Variants in SUN1 observed in about 807,000 individuals in gnomAD.
SUN1 encodes the protein SUN domain-containing protein 1.
In SUN1, 61 loss-of-function variants were observed where a neutral mutation model predicts 103.2. The ratio of observed to expected loss-of-function variants is 0.59; its 90% CI spans 0.48 to 0.73. The LOEUF (loss-of-function observed/expected upper bound fraction) is 0.73. Among genes scored for constraint, SUN1 ranks in the 30% least tolerant of loss-of-function variants. The pLI, the probability that SUN1 is intolerant of heterozygous loss-of-function variation, is 0.00. For synonymous variants in SUN1, 490 were observed against 425.7 expected (o/e 1.15, Z -1.86); for missense variants, 1,052 against 1,034.6 (o/e 1.02, Z -0.23).
chr7:873,611 T>C lies in SUN1; in HGVS notation c.*280T>C, dbSNP rs1843056608. 2.8e-6 allele frequency: 1 copy of C among 350,996 alleles called. No individual in the cohort carries two copies. The highest frequency in any genetic ancestry group is 5.2e-6 in the Non-Finnish European group (1 of 191,434). 21.7% of individuals were successfully genotyped at this position (350,996 alleles called of 1,614,324 possible). ...GTTTTTAACGGGAAGCTCTTTGCAT[T>C]TGCATTTCCTCAACAAAGGAGCAAA... On this transcript the variant is annotated 3_prime_UTR_variant, in exon 19 of 19. Coordinates refer to ENST00000401592, the MANE Select transcript of SUN1 (RefSeq NM_001130965.3).
intron 11 of SUN1, 76 bp downstream of exon 11, chr7:855,082 T>C (rs1258413752): frequency 9.0e-7 from 1 of 1,114,176 alleles, no homozygotes; most frequent in Non-Finnish European, 1.3e-6. Flanking sequence ...AGCCCTTTGG[T>C]CATTTAATGT....
chr7:856,446 G>T (rs555079724), intron 12 of SUN1, 45 bp downstream of exon 12: 4 of 1,608,488 alleles, frequency 2.5e-6, no homozygotes, highest in Non-Finnish European at 3.4e-6. Context: ...CGGTGTGTGT[G>T]TGTGGTTATG....
At chr7:860,531 C>T in intron 14 of SUN1, 149 bp downstream of exon 14, 2 of 1,344,494 alleles carry the variant, frequency 1.5e-6, no homozygotes, top group Non-Finnish European at 2.0e-6. Context: ...ATGAGACGTG[C>T]CTGGGCAGTG....
chr7:872,948 G>A lies in SUN1; in HGVS notation c.2242-267G>A, dbSNP rs1365566022. On this transcript the variant is annotated intron_variant, in intron 18 of 18. Transcript: ENST00000401592. Reference sequence around the variant, plus strand: ...CTAAAAATACAAAAATGAGCTGGGCGTGGTGGCGCACGCCTGTAATCCCAG... The same window carrying A: ...CTAAAAATACAAAAATGAGCTGGGCATGGTGGCGCACGCCTGTAATCCCAG... 3.3e-5 allele frequency among the ~76,000 whole-genome samples: 5 copies of A among 152,314 alleles called. 1 individual carries two copies. Among genetic ancestry groups the A allele is most frequent in the Middle Eastern group, 3.4e-3 (1 of 294 alleles).
At chr7:821,407 A>G (rs771053875) in intron 1 of SUN1, among the ~76,000 whole-genome samples, 19 of 152,094 alleles carry the variant, frequency 1.2e-4, no homozygotes, top group Non-Finnish European at 1.5e-5. Context: ...TGACCTCGTG[A>G]TCCGCCCACC....
chr7:836,622 C>A (rs767055167), intron 1 of SUN1, among the ~76,000 whole-genome samples: 2 of 152,334 alleles, frequency 1.3e-5, no homozygotes, highest in East Asian at 3.9e-4. Flanking sequence ...GCAGGAGGAG[C>A]TCCTTCTTAC....
At chr7:870,419 G>A (rs1840650221) in intron 17 of SUN1, among the ~76,000 whole-genome samples, 1 of 151,920 alleles carries the variant, frequency 6.6e-6, no homozygotes, top group Admixed American at 6.6e-5. Context: ...GTGAAACCCT[G>A]TCTCTACTAA....
chr7:872,421 C>T, intron 17 of SUN1, 49 bp from the exon 18 acceptor site: 1 of 1,481,144 alleles, frequency 6.8e-7, no homozygotes, highest in Non-Finnish European at 9.3e-7. Context: ...CCTCTCTGCT[C>T]AGTGTTATTT....
chr7:853,277 G>C (rs958964926), intron 9 of SUN1, 132 bp from the exon 10 acceptor site: 4 of 1,043,166 alleles, frequency 3.8e-6, no homozygotes, highest in South Asian at 1.5e-5. Flanking sequence ...CCGGGTTTCT[G>C]TGGATTCCTC....
intron 1 of SUN1, among the ~76,000 whole-genome samples, chr7:836,308 A>T (rs1803127235): frequency 6.6e-6 from 1 of 152,220 alleles, no homozygotes. Flanking sequence ...TTTCCATCGC[A>T]GCAGGCAGGA....
At chr7:871,639 C>T (rs558420852) in intron 17 of SUN1, among the ~76,000 whole-genome samples, 2 of 152,346 alleles carry the variant, frequency 1.3e-5, no homozygotes, top group African/African-American at 4.8e-5. Flanking sequence ...CCACCCACCT[C>T]GGCCTCCCAA....
rs764443174 is a variant in SUN1, at chr7:857,836, G to A, written c.1403G>A (p.Gly468Asp). ...QTKQKTISAV[G>D]EQLLPTVEHL... ...TCACTGTTGGATTCCAGTGCGGTTG[G>A]TGAGCAGCTCCTGCCCACAGTCGAG... The change falls in exon 13 of 19, where the codon GGT (glycine) becomes GAT (aspartate). Residue 468 changes from glycine to aspartate, a missense_variant. Physicochemically the swap from Gly to Asp is moderately conservative, Grantham distance 94. This residue lies in a region of SUN1 where 846 missense variants were observed against 774.5 expected (regional missense o/e 1.09). Coordinates refer to ENST00000401592, the MANE Select transcript of SUN1 (RefSeq NM_001130965.3). 6.3e-7 allele frequency: 1 copy of A among 1,582,090 alleles called. No individual in the cohort carries two copies. Among genetic ancestry groups the A allele is most frequent in the South Asian group, 1.1e-5 (1 of 88,560 alleles).
chr7:843,582 C>T (rs1160429240), intron 5 of SUN1, 62 bp downstream of exon 5: 5 of 1,613,114 alleles, frequency 3.1e-6, no homozygotes, highest in Non-Finnish European at 4.2e-6. Context: ...TATTTCCTTT[C>T]TGTAAGTCTC....
At position 826,291 on chromosome 7, in the gene SUN1, C is replaced by CGTTTGACAGCCCCGGTCTGGGGTG. The variant is rs1554260465; in HGVS notation, c.-74+9626_-74+9627insGCCCCGGTCTGGGGTGGTTTGACA. Among the ~76,000 whole-genome samples, 223 of 151,376 alleles carry CGTTTGACAGCCCCGGTCTGGGGTG rather than the reference C, an allele frequency of 1.5e-3. 1 individual carries two copies. Among genetic ancestry groups the CGTTTGACAGCCCCGGTCTGGGGTG allele is most frequent in the African/African-American group, 4.9e-3 (200 of 41,126 alleles). ...AACTGCCTGATGTCAGGCTAGCTGC[C>CGTTTGACAGCCCCGGTCTGGGGTG]GTTTGACAACCCTGGTCTGGGGTGC... is the stretch of plus-strand genomic sequence containing the variant. On this transcript the variant is annotated intron_variant, in intron 1 of 17. Coordinates refer to the SUN1 transcript ENST00000389574.
chr7:873,472 T>C lies in SUN1; in HGVS notation c.*141T>C. 2 of 859,808 alleles carry C rather than the reference T, an allele frequency of 2.3e-6. No homozygotes were observed. Among genetic ancestry groups the C allele is most frequent in the South Asian group, 3.4e-5 (2 of 58,256 alleles). The allele number at this position is 859,808 out of a possible 1,614,324, so 53.3% of individuals were successfully genotyped here. ...AAACGTGGCTGCTGGCCAGAGGACGTGAGCGTGTGACGGGCGCCTTGGCGC... is the reference window on the plus strand; with the variant it reads ...AAACGTGGCTGCTGGCCAGAGGACGCGAGCGTGTGACGGGCGCCTTGGCGC... On this transcript the variant is annotated 3_prime_UTR_variant, in exon 19 of 19. Transcript: ENST00000401592.
chr7:828,220 C>T (rs1435339121), upstream of SUN1, among the ~76,000 whole-genome samples: 2 of 151,370 alleles, frequency 1.3e-5, no homozygotes. Flanking sequence ...AATTTTAAAA[C>T]CCTGCTAGGA....
At chr7:841,325 CCT>C (rs1278910058) in intron 2 of SUN1, among the ~76,000 whole-genome samples, 13 of 147,798 alleles carry the variant, frequency 8.8e-5, no homozygotes, top group Non-Finnish European at 1.9e-4. Flanking sequence ...ATCACTGCAA[CCT>C]CTGTCTCCCA....
intron 16 of SUN1, among the ~76,000 whole-genome samples, chr7:867,078 C>T (rs1013153624): frequency 8.5e-5 from 13 of 152,238 alleles, no homozygotes; most frequent in African/African-American, 2.9e-4. Context: ...CATGAAGTGC[C>T]TGTGACCTGA....
intron 2 of SUN1, 151 bp from the exon 3 acceptor site, chr7:841,795 C>T: frequency 1.3e-6 from 1 of 741,910 alleles, no homozygotes; most frequent in Non-Finnish European, 2.1e-6. Flanking sequence ...TTTATATTAA[C>T]AGTTGATTCA....
Sources: gnomAD v4.1 joint callset for allele counts (sites outside exome capture counted in the v4.1 genomes callset) on GRCh38, gnomAD v4.1.1 for gene constraint, gnomAD v4.1.1 regional missense constraint, MANE v1.5 for transcripts, NCBI Gene and HGNC (gene_info 2026-07-23, HGNC 2026-07-21) for gene names.